Variants in KLHL22 observed in about 807,000 individuals in gnomAD.
KLHL22 encodes the protein kelch like family member 22, also known as kelch-like protein 22.
A neutral mutation model predicts 60.7 loss-of-function variants in KLHL22; 18 were observed. That is an observed-to-expected ratio of 0.30 (90% CI 0.20 to 0.44). The LOEUF (loss-of-function observed/expected upper bound fraction) is 0.44. Ranked by LOEUF, KLHL22 falls within the 20% of genes least tolerant of loss-of-function variation. KLHL22 has a pLI of 1.00. For synonymous variants in KLHL22, 355 were observed against 354.5 expected, an observed-to-expected ratio of 1.00 and a Z score of -0.01; for missense variants, 596 against 852.3, an observed-to-expected ratio of 0.70 and a Z score of 3.74.
chr22:20,488,387 C>T (rs749307882), intron 2 of KLHL22: 2 of 158,730 alleles, frequency 1.3e-5, no homozygotes, highest in Admixed American at 5.9e-5. Flanking sequence ...GATCTGCTAT[C>T]TGTGTACATA....
Position 20,465,753 on chromosome 22 carries a change from G to C in KLHL22, c.394-177C>G, listed in dbSNP as rs528183933. 199 of 608,030 alleles carry C rather than the reference G, an allele frequency of 3.3e-4. 2 individuals carry two copies. The South Asian group carries it at 3.7e-3, about 11-fold the overall frequency. 37.7% of individuals were successfully genotyped at this position (608,030 alleles called of 1,614,324 possible). A position where few individuals can be genotyped will look rare whatever the true frequency, so the allele number is the denominator to read the frequency against. ...GGAGACTGGGGCTTACTGCAGACTAGGTTTAAGTCCTGGTTTGGAAACATA... is the reference window on the plus strand; with the variant it reads ...GGAGACTGGGGCTTACTGCAGACTACGTTTAAGTCCTGGTTTGGAAACATA... On this transcript the variant is annotated intron_variant, in intron 3 of 6. Transcript: ENST00000328879. This position sits in a 1 kb window ranked among gnomAD's most constrained non-coding sequence, Gnocchi z 4.9.
At position 20,465,507 on chromosome 22, in the gene KLHL22, C is replaced by A; in HGVS notation, c.463G>T (p.Val155Phe). The A allele has an allele frequency of 6.2e-7, 1 of 1,611,336 alleles. No individual in the cohort carries two copies. Among genetic ancestry groups the A allele is most frequent in the Non-Finnish European group, 8.5e-7 (1 of 1,177,442 alleles). Residue 155 changes from valine to phenylalanine, a missense_variant, in exon 4 of 7, where the codon GTC becomes TTC. Coordinates refer to ENST00000328879, the MANE Select transcript of KLHL22 (RefSeq NM_032775.4). The surrounding 1 kb of genome is among the most constrained non-coding windows in gnomAD (Gnocchi z 4.9). ...SWVDEENILDVYRLAELFDLS... is the reference protein window; with the variant it reads ...SWVDEENILDFYRLAELFDLS... The stretch of plus-strand genomic sequence containing the variant: ...TCAAACAGCTCTGCCAGCCGGTAGA[C>A]ATCGAGAATGTTCTCTTCGTCCACC...
At chr22:20,493,967 G>A (rs1276514855) in intron 1 of KLHL22, among the ~76,000 whole-genome samples, 1 of 152,014 alleles carries the variant, frequency 6.6e-6, no homozygotes, top group Non-Finnish European at 1.5e-5. Flanking sequence ...GAAGGCTGAG[G>A]AAGGGGGAAG....
At position 20,494,084 on chromosome 22, in the gene KLHL22, CA is replaced by C. The variant is rs1555915685; in HGVS notation, c.-34+1675del. 1.5e-3 allele frequency among the ~76,000 whole-genome samples: 134 copies of C among 91,280 alleles called. 1 individual carries two copies. The highest frequency in any genetic ancestry group is 8.0e-3 in the South Asian group (23 of 2,892). 59.9% of individuals were successfully genotyped at this position (91,280 alleles called of 152,430 possible). ...ACAGAGCCAGACTTTGCCCCCCCCC[CA>C]AAAAAAAAAGTGCAAAGTAGGCTGG... On this transcript the variant is annotated intron_variant, in intron 1 of 6. Coordinates refer to ENST00000328879, the MANE Select transcript of KLHL22 (RefSeq NM_032775.4).
intron 2 of KLHL22, among the ~76,000 whole-genome samples, chr22:20,476,738 C>T (rs1254851487): frequency 6.9e-5 from 8 of 115,904 alleles, no homozygotes; most frequent in African/African-American, 2.4e-4. Context: ...GACAGAGTCT[C>T]GCTCTTGTTG....
intron 2 of KLHL22, among the ~76,000 whole-genome samples, chr22:20,480,045 T>A (rs1281078512): frequency 6.6e-6 from 1 of 152,182 alleles, no homozygotes; most frequent in African/African-American, 2.4e-5. Context: ...TCAGGTCACA[T>A]GTTATAACAC....
intron 3 of KLHL22, among the ~76,000 whole-genome samples, chr22:20,470,279 G>A (rs564066512): frequency 6.6e-6 from 1 of 151,894 alleles, no homozygotes; most frequent in African/African-American, 2.4e-5. Flanking sequence ...AGCCTAGGAG[G>A]TGGAGGCTAC....
intron 2 of KLHL22, among the ~76,000 whole-genome samples, chr22:20,486,839 G>A (rs1601389893): frequency 6.6e-6 from 1 of 151,528 alleles, no homozygotes. Context: ...GTGCTACCAC[G>A]CCCAGCTAAT....
chr22:20,442,277 A>G lies in KLHL22; in HGVS notation c.1701T>C (p.Asp567=), dbSNP rs774613679. ...GSRTGYVHIY[D]VEKDCWEEGP... ...CTTCCTCCCAGCAGTCCTTCTCCAC[A>G]TCGTAAATGTGCACGTAGCCTGTGC... Residue 567 remains aspartate (D), a synonymous_variant, in exon 7 of 7, where the codon GAT becomes GAC. Coordinates refer to ENST00000328879, the MANE Select transcript of KLHL22 (RefSeq NM_032775.4). 6 of 1,613,856 alleles carry G rather than the reference A, an allele frequency of 3.7e-6. No homozygotes were observed. Among genetic ancestry groups the G allele is most frequent in the East Asian group, 2.2e-5 (1 of 44,874 alleles).
At chr22:20,453,599 G>A (rs574166304) in intron 5 of KLHL22, among the ~76,000 whole-genome samples, 4 of 151,832 alleles carry the variant, frequency 2.6e-5, no homozygotes, top group African/African-American at 4.8e-5. Context: ...CCATCTTATC[G>A]TTCTTTTTCA....
intron 1 of KLHL22, chr22:20,489,972 C>T (rs768677318): frequency 1.9e-5 from 7 of 358,976 alleles, no homozygotes; most frequent in Non-Finnish European, 3.3e-5. Flanking sequence ...GTTCAAAAAC[C>T]GCAAACTGAT....
chr22:20,491,238 A>G (rs1011333462), intron 1 of KLHL22: 2 of 152,260 alleles, frequency 1.3e-5, no homozygotes, highest in Non-Finnish European at 2.9e-5. Context: ...TCAACTATCC[A>G]GAAGTTTTCC....
chr22:20,484,364 A>G (rs2053553612), intron 2 of KLHL22, among the ~76,000 whole-genome samples: 7 of 152,078 alleles, frequency 4.6e-5, no homozygotes, highest in Admixed American at 4.6e-4. Context: ...ACGCGATCTC[A>G]GCTCACTACA....
At chr22:20,448,358 C>T (rs1250194652) in intron 5 of KLHL22, among the ~76,000 whole-genome samples, 1 of 152,160 alleles carries the variant, frequency 6.6e-6, no homozygotes, top group Non-Finnish European at 1.5e-5. Context: ...CTGAAAAAAT[C>T]TGAAATCCAA....
In KLHL22 at chr22:20,489,148, AGTGTGG is replaced by A; in HGVS notation, c.58_63del (p.Pro20_His21del). The A allele has an allele frequency of 1.2e-6, 2 of 1,614,156 alleles. No homozygotes were observed. Among genetic ancestry groups the A allele is most frequent in the Non-Finnish European group, 1.7e-6 (2 of 1,180,034 alleles). On this transcript the variant is annotated inframe_deletion, in exon 2 of 7. Coordinates refer to ENST00000328879, the MANE Select transcript of KLHL22 (RefSeq NM_032775.4). ...GCGCTGCGGTAGGTGTTGTTCACGCAGTGTGGGTGTGAGGGCTGTGCAGGCAACTTG... is the reference window on the plus strand; with the variant it reads ...GCGCTGCGGTAGGTGTTGTTCACGCAGTGTGAGGGCTGTGCAGGCAACTTG...
At chr22:20,489,302 C>T in intron 1 of KLHL22, 58 bp from the exon 2 acceptor site, 1 of 1,265,490 alleles carries the variant, frequency 7.9e-7, no homozygotes, top group South Asian at 1.3e-5. Flanking sequence ...CCCCACCACA[C>T]ACAGACTGGC....
intron 2 of KLHL22, among the ~76,000 whole-genome samples, chr22:20,477,448 T>TA (rs1426040805): frequency 1.3e-5 from 2 of 151,796 alleles, no homozygotes; most frequent in Non-Finnish European, 2.9e-5. Context: ...CCCCATCTCT[T>TA]AAAAAAAATT....
At chr22:20,475,697 G>A (rs2053401079) in intron 2 of KLHL22, among the ~76,000 whole-genome samples, 1 of 152,038 alleles carries the variant, frequency 6.6e-6, no homozygotes. Context: ...CCGAGTGGCT[G>A]GGATTACAGG....
chr22:20,450,597 G>T (rs2052961468), intron 5 of KLHL22: 11 of 1,605,294 alleles, frequency 6.9e-6, no homozygotes, highest in South Asian at 4.4e-5. Flanking sequence ...TTAGCCAGAA[G>T]AATTTTCCTG....
Sources: gnomAD v4.1 joint callset for allele counts (sites outside exome capture counted in the v4.1 genomes callset) on GRCh38, gnomAD v4.1.1 for gene constraint, Gnocchi (gnomAD v3.1) non-coding constraint, MANE v1.5 for transcripts, NCBI Gene and HGNC (gene_info 2026-07-23, HGNC 2026-07-21) for gene names.